Variants in SLC26A11 observed in about 807,000 individuals in gnomAD.
SLC26A11 encodes the protein sodium-independent sulfate anion transporter.
SLC26A11 carries 58 observed loss-of-function variants against 62.2 expected under a neutral mutation model. That is an observed-to-expected ratio of 0.93 (90% CI 0.76 to 1.16). The LOEUF (loss-of-function observed/expected upper bound fraction) is 1.16. Among genes scored for constraint, SLC26A11 ranks in the 50% most tolerant of loss-of-function variants. The pLI is 0.00. For missense variants in SLC26A11, 790 were observed against 794.3 expected, an observed-to-expected ratio of 0.99 and a Z score of 0.06; for synonymous variants, 411 against 368.9, an observed-to-expected ratio of 1.11 and a Z score of -1.31.
chr17:80,221,640 C>G lies in SLC26A11; in HGVS notation c.80C>G (p.Pro27Arg), dbSNP rs1046170087. 1.2e-6 allele frequency: 2 copies of G among 1,611,978 alleles called. No homozygotes were observed. Among genetic ancestry groups the G allele is most frequent in the African/African-American group, 2.7e-5 (2 of 75,050 alleles). Residue 27 changes from proline to arginine, a missense_variant, in exon 3 of 18, where the codon CCT becomes CGT. Transcript: ENST00000361193. The stretch of plus-strand genomic sequence containing the variant: ...GCCCCGAGCGCCTGCTGCTGCTCCC[C>G]TGCGGCCCTGCAGAGGAGGCTGCCC... ...GMAPSACCCS[P>R]AALQRRLPIL...
intron 5 of SLC26A11, among the ~76,000 whole-genome samples, chr17:80,225,180 C>A (rs1044024589): frequency 6.6e-6 from 1 of 152,044 alleles, no homozygotes; most frequent in African/African-American, 2.4e-5. Context: ...ACCCCCCAAC[C>A]CCCCGCCGCT....
intron 13 of SLC26A11, among the ~76,000 whole-genome samples, chr17:80,247,657 T>C (rs902822819): frequency 6.6e-6 from 1 of 152,222 alleles, no homozygotes; most frequent in African/African-American, 2.4e-5. Context: ...CGTGTTCATG[T>C]GCCGGCGTGG....
At chr17:80,236,888 C>G in intron 7 of SLC26A11, 40 bp from the exon 8 acceptor site, 2 of 1,579,840 alleles carry the variant, frequency 1.3e-6, no homozygotes, top group African/African-American at 2.7e-5. Context: ...CCACACTCGC[C>G]GGGAGCAGGG....
chr17:80,238,186 C>T lies in SLC26A11; in HGVS notation c.985+592C>T, dbSNP rs536754325. Among the ~76,000 whole-genome samples the T allele has an allele frequency of 9.2e-5, 14 of 152,230 alleles. No homozygotes were observed. The East Asian group carries it at 2.5e-3, about 27-fold the overall frequency. ...CCACCTAGGCAACGTAACGAGACCT[C>T]GTTTCTATTAAAAATAAAAATTAGC... On this transcript the variant is annotated intron_variant, in intron 9 of 17. Transcript: ENST00000361193.
At chr17:80,249,080 G>A (rs924913198) in intron 15 of SLC26A11, 74 bp from the exon 16 acceptor site, 6 of 1,527,276 alleles carry the variant, frequency 3.9e-6, no homozygotes, top group Non-Finnish European at 4.4e-6. Context: ...CCTGGCCAGA[G>A]CCTCCTTTGG....
rs1379880274 is a variant in SLC26A11 at position 80,251,411 on chromosome 17, G to C, written c.1729+10G>C. 6.2e-7 allele frequency: 1 copy of C among 1,613,492 alleles called. No homozygotes were observed. Among genetic ancestry groups the C allele is most frequent in the Non-Finnish European group, 8.5e-7 (1 of 1,179,788 alleles). On this transcript the variant is annotated intron_variant, in intron 17 of 17. Transcript: ENST00000361193. ...ACCCTGGAAGAAGCAGGTGGGCACA[G>C]TCAGACATCCTGTGGCTTTGGTGAT... is the stretch of plus-strand genomic sequence containing the variant.
intron 11 of SLC26A11, 70 bp downstream of exon 11, chr17:80,245,326 TCTGC>T: frequency 6.5e-7 from 1 of 1,536,236 alleles, no homozygotes. Flanking sequence ...TGACAAGGAG[TCTGC>T]CTGCCCTGAC....
In SLC26A11 at chr17:80,252,445, C is replaced by T. The variant is rs372493510; in HGVS notation, c.1730-180C>T. ...AGGGCCGTTAGTCACCTGAAAAATACGCTTACAGAGACTCAGGTGAGACCC... is the reference window on the plus strand; with the variant it reads ...AGGGCCGTTAGTCACCTGAAAAATATGCTTACAGAGACTCAGGTGAGACCC... On this transcript the variant is annotated intron_variant, in intron 17 of 17. Transcript: ENST00000361193. This position sits in a 1 kb window ranked among gnomAD's most constrained non-coding sequence, Gnocchi z 5.2. Among the ~76,000 whole-genome samples, 37 of 152,208 alleles carry T rather than the reference C, an allele frequency of 2.4e-4. No homozygotes were observed. The East Asian group carries it at 6.4e-3, about 26-fold the overall frequency.
intron 7 of SLC26A11, among the ~76,000 whole-genome samples, chr17:80,234,575 C>T (rs7216577): frequency 0.27 from 41,587 of 151,838 alleles, 6,165 homozygotes; most frequent in South Asian, 0.39. Context: ...AAACACCCAT[C>T]TTTTCGTGAA....
At chr17:80,235,289 A>G (rs59949591) in intron 7 of SLC26A11, among the ~76,000 whole-genome samples, 3,275 of 152,042 alleles carry the variant, frequency 0.022, 95 homozygotes, top group African/African-American at 0.07. Context: ...ATTTGGTTAC[A>G]GTTACTCTTT....
chr17:80,250,211 C>T (rs1182781964), intron 16 of SLC26A11, among the ~76,000 whole-genome samples: 1 of 152,200 alleles, frequency 6.6e-6, no homozygotes, highest in Admixed American at 6.5e-5. Context: ...TAGGGCGTGT[C>T]CCCAGGCGCC....
At chr17:80,248,481 A>G (rs7209848) in intron 14 of SLC26A11, 94 bp from the exon 15 acceptor site, 1,057,273 of 1,367,376 alleles carry the variant, frequency 0.77, 411,324 homozygotes, top group East Asian at 0.98. Context: ...CCTGCAGCAC[A>G]CTAGGTTGGG....
intron 10 of SLC26A11, among the ~76,000 whole-genome samples, chr17:80,243,032 C>T (rs1261907935): frequency 2.6e-5 from 4 of 152,146 alleles, no homozygotes; most frequent in Non-Finnish European, 5.9e-5. Context: ...ATTCAGTTAT[C>T]ATAACTAAAT....
chr17:80,242,809 TC>T (rs1261715128), intron 10 of SLC26A11, among the ~76,000 whole-genome samples: 8 of 151,996 alleles, frequency 5.3e-5, no homozygotes, highest in African/African-American at 1.5e-4. Context: ...TCTGGGTTCA[TC>T]CGATTCTCCT....
Position 80,245,192 on chromosome 17 carries a change from C to A in SLC26A11, c.1037-4C>A. The A allele has an allele frequency of 6.2e-7, 1 of 1,613,922 alleles. No individual in the cohort carries two copies. The highest frequency in any genetic ancestry group is 1.1e-5 in the South Asian group (1 of 91,072). ...ACGATCAGCCTGTCTTGCCTCCTCC[C>A]CAGGTCTCACCAACATGTTGGGCTC... On this transcript the variant is annotated splice_polypyrimidine_tract_variant and splice_region_variant and intron_variant, in intron 10 of 17. Transcript: ENST00000361193.
Position 80,242,795 on chromosome 17 carries a change from G to C in SLC26A11, c.1036+974G>C, listed in dbSNP as rs555416365. ...ACAATCTCGGCTCACTGCAACCTCT[G>C]CCTTCTGGGTTCATCCGATTCTCCT... On this transcript the variant is annotated intron_variant, in intron 10 of 17. Coordinates refer to ENST00000361193, the MANE Select transcript of SLC26A11 (RefSeq NM_001166347.2). Among the ~76,000 whole-genome samples the C allele has an allele frequency of 6.4e-4, 97 of 152,298 alleles. 1 individual carries two copies. Among genetic ancestry groups the C allele is most frequent in the African/African-American group, 2.3e-3 (94 of 41,556 alleles).
intron 16 of SLC26A11, 115 bp downstream of exon 16, chr17:80,249,402 C>T (rs757023845): frequency 2.9e-5 from 40 of 1,366,350 alleles, no homozygotes; most frequent in Non-Finnish European, 3.5e-5. Flanking sequence ...GCCCTTCGGC[C>T]GGTGCTGGCT....
At chr17:80,237,818 A>G (rs1208402233) in intron 9 of SLC26A11, among the ~76,000 whole-genome samples, 4 of 152,354 alleles carry the variant, frequency 2.6e-5, no homozygotes, top group African/African-American at 9.6e-5. Flanking sequence ...GAGTGTTGTA[A>G]CAGCCTCTGC....
chr17:80,248,552 C>G, intron 14 of SLC26A11, 23 bp from the exon 15 acceptor site: 3 of 1,554,654 alleles, frequency 1.9e-6, no homozygotes, highest in Non-Finnish European at 2.6e-6. Context: ...AGACCCGCCT[C>G]CAGGACTCAC....
Sources: gnomAD v4.1 joint callset for allele counts (sites outside exome capture counted in the v4.1 genomes callset) on GRCh38, gnomAD v4.1.1 for gene constraint, Gnocchi (gnomAD v3.1) non-coding constraint, MANE v1.5 for transcripts, NCBI Gene and HGNC (gene_info 2026-07-23, HGNC 2026-07-21) for gene names.